The following ACVR1B variants were observed in gnomAD, a reference collection of about 807,000 sequenced individuals.
ACVR1B encodes the protein activin receptor type-1B.
A neutral mutation model predicts 55.6 loss-of-function variants in ACVR1B; 15 were observed. That is an observed-to-expected ratio of 0.27 (90% CI 0.18 to 0.42). The LOEUF is 0.42. Ranked by LOEUF, ACVR1B falls within the 10% of genes least tolerant of loss-of-function variation. ACVR1B has a pLI of 1.00. For synonymous variants in ACVR1B, 247 were observed against 254.6 expected, an observed-to-expected ratio of 0.97 and a Z score of 0.28; for missense variants, 359 against 670.1, an observed-to-expected ratio of 0.54 and a Z score of 5.13.
intron 1 of ACVR1B, among the ~76,000 whole-genome samples, chr12:51,970,180 A>C (rs1394849773): frequency 6.6e-6 from 1 of 152,130 alleles, no homozygotes; most frequent in Non-Finnish European, 1.5e-5. Flanking sequence ...GAATCTGATC[A>C]CATGAAGGTG....
At chr12:51,978,943 C>G (rs1330660869) in intron 3 of ACVR1B, among the ~76,000 whole-genome samples, 2 of 151,506 alleles carry the variant, frequency 1.3e-5, no homozygotes, top group African/African-American at 4.9e-5. Flanking sequence ...CCGGGCAGAT[C>G]ACATGAGGTC....
chr12:51,976,337 G>A lies in ACVR1B; in HGVS notation c.342G>A (p.Lys114=), dbSNP rs778392478. Residue 114 remains lysine (K), a synonymous_variant, in exon 3 of 9, where the codon AAG becomes AAA. Coordinates refer to ENST00000257963, the MANE Select transcript of ACVR1B (RefSeq NM_004302.5). ...TCTCACTTGACTCAGGTCACCTCAA[G>A]GAGCCTGAGCACCCGTCCATGTGGG... The part of the protein sequence containing the change: ...IDLRVPSGHL[K]EPEHPSMWGP... 6.2e-7 allele frequency: 1 copy of A among 1,614,140 alleles called. No individual in the cohort carries two copies. The highest frequency in any genetic ancestry group is 2.2e-5 in the East Asian group (1 of 44,892).
chr12:51,983,745 C>T (rs537696174), intron 4 of ACVR1B, among the ~76,000 whole-genome samples: 40 of 152,300 alleles, frequency 2.6e-4, no homozygotes, highest in Non-Finnish European at 5.3e-4. Context: ...TGTTCAGAAT[C>T]CTACAGTTCA....
intron 1 of ACVR1B, among the ~76,000 whole-genome samples, chr12:51,973,460 G>A (rs998877810): frequency 2.6e-5 from 4 of 152,202 alleles, no homozygotes; most frequent in African/African-American, 7.2e-5. Flanking sequence ...AGATTCCAGT[G>A]TGAGTAAAAG....
intron 1 of ACVR1B, among the ~76,000 whole-genome samples, chr12:51,952,539 T>TA (rs945133661): frequency 6.6e-6 from 1 of 152,184 alleles, no homozygotes; most frequent in African/African-American, 2.4e-5. Flanking sequence ...AACAGGCCCC[T>TA]AAACCTTTTT....
chr12:51,958,044 A>G (rs1385006721), intron 1 of ACVR1B, among the ~76,000 whole-genome samples: 1 of 152,186 alleles, frequency 6.6e-6, no homozygotes, highest in African/African-American at 2.4e-5. Flanking sequence ...GGTGTTTCAG[A>G]TGTTTCACTA....
intron 3 of ACVR1B, among the ~76,000 whole-genome samples, 175 bp downstream of exon 3, chr12:51,976,750 G>A (rs1048987358): frequency 6.6e-6 from 1 of 152,102 alleles, no homozygotes; most frequent in African/African-American, 2.4e-5. Context: ...TAAGATAATG[G>A]GTTCACAGAA....
intron 1 of ACVR1B, among the ~76,000 whole-genome samples, chr12:51,955,134 C>G (rs1238427054): frequency 6.6e-6 from 1 of 152,166 alleles, no homozygotes; most frequent in African/African-American, 2.4e-5. Flanking sequence ...GTTTATGGCA[C>G]TATGTAAATG....
intron 1 of ACVR1B, among the ~76,000 whole-genome samples, chr12:51,974,421 A>G (rs928561329): frequency 5.9e-5 from 9 of 152,158 alleles, no homozygotes; most frequent in Non-Finnish European, 1.3e-4. Flanking sequence ...TTTCCTGTCA[A>G]ATGGGACACA....
Position 51,996,231 on chromosome 12 carries a change from G to T in ACVR1B, c.*2121G>T, listed in dbSNP as rs978812621. The T allele has an allele frequency of 1.3e-5, 2 of 152,470 alleles. No homozygotes were observed. Among genetic ancestry groups the T allele is most frequent in the East Asian group, 1.9e-4 (1 of 5,194 alleles). The allele number at this position is 152,470 out of a possible 1,614,324, so 9.4% of individuals were successfully genotyped here. ...TGCATTCATTCTGAGCCCCCTTCCT[G>T]TCCCCAGGGGAGGTGTATTGTGTAT... On this transcript the variant is annotated 3_prime_UTR_variant, in exon 9 of 9. Coordinates refer to ENST00000257963, the MANE Select transcript of ACVR1B (RefSeq NM_004302.5).
intron 1 of ACVR1B, among the ~76,000 whole-genome samples, chr12:51,958,014 A>T (rs530843900): frequency 6.6e-6 from 1 of 152,306 alleles, no homozygotes; most frequent in South Asian, 2.1e-4. Context: ...GTTTGACCTC[A>T]GTTGGGAATG....
intron 1 of ACVR1B, among the ~76,000 whole-genome samples, chr12:51,956,149 G>A (rs1350905664): frequency 6.6e-6 from 1 of 152,150 alleles, no homozygotes; most frequent in Non-Finnish European, 1.5e-5. Context: ...ATCTTTATCT[G>A]CTCTCTAGGG....
chr12:51,975,190 A>G (rs1200451409), intron 1 of ACVR1B, 75 bp from the exon 2 acceptor site: 7 of 1,552,894 alleles, frequency 4.5e-6, no homozygotes, highest in Non-Finnish European at 6.1e-6. Context: ...CTAAGGGATT[A>G]TATTCTAAGT....
At chr12:51,967,576 A>C (rs975812812) in intron 1 of ACVR1B, among the ~76,000 whole-genome samples, 1 of 152,170 alleles carries the variant, frequency 6.6e-6, no homozygotes, top group African/African-American at 2.4e-5. Flanking sequence ...AAAAACAAAC[A>C]AACAAAAATA....
At chr12:51,978,935 G>C (rs566442461) in intron 3 of ACVR1B, among the ~76,000 whole-genome samples, 3 of 151,616 alleles carry the variant, frequency 2.0e-5, no homozygotes, top group African/African-American at 7.3e-5. Flanking sequence ...TCTTGAGGCC[G>C]GGCAGATCAC....
chr12:51,952,955 G>C (rs1362160002), intron 1 of ACVR1B, among the ~76,000 whole-genome samples: 1 of 152,042 alleles, frequency 6.6e-6, no homozygotes, highest in African/African-American at 2.4e-5. Context: ...GAGGCTTTGG[G>C]GGCTGAGAAG....
chr12:51,969,118 A>G (rs1941696169), intron 1 of ACVR1B, among the ~76,000 whole-genome samples: 1 of 152,168 alleles, frequency 6.6e-6, no homozygotes. Context: ...CTGAAGCCCC[A>G]GATGTTGTGG....
intron 1 of ACVR1B, among the ~76,000 whole-genome samples, chr12:51,956,578 T>A (rs528537698): frequency 1.4e-4 from 22 of 152,340 alleles, no homozygotes; most frequent in African/African-American, 5.0e-4. Flanking sequence ...TCAGCTTCAT[T>A]GTTTTATCTG....
At chr12:51,972,493 A>C (rs1377037746) in intron 1 of ACVR1B, among the ~76,000 whole-genome samples, 1 of 152,228 alleles carries the variant, frequency 6.6e-6, no homozygotes, top group African/African-American at 2.4e-5. Flanking sequence ...AAGAGGCTAC[A>C]CCACTTAGAC....
Sources: allele counts gnomAD v4.1 joint callset (sites outside exome capture counted in the v4.1 genomes callset), GRCh38; gene constraint gnomAD v4.1.1; transcripts MANE v1.5; gene names NCBI Gene and HGNC (gene_info 2026-07-23, HGNC 2026-07-21).